GRXCR2: variants seen among roughly 807,000 people sequenced by gnomAD.
GRXCR2 encodes glutaredoxin domain-containing cysteine-rich protein 2.
Under a neutral mutation model 24.8 loss-of-function variants are expected in GRXCR2, and 23 were observed. The ratio of observed to expected loss-of-function variants is 0.93; its 90% confidence interval spans 0.67 to 1.32. The LOEUF is 1.32. Among genes scored for constraint, GRXCR2 ranks in the 40% most tolerant of loss-of-function variants. The pLI is 0.00. For synonymous variants in GRXCR2, 130 were observed against 116.1 expected (o/e 1.12, Z -0.77); for missense variants, 315 against 303.4 (o/e 1.04, Z -0.28).
intron 2 of GRXCR2, among the ~76,000 whole-genome samples, chr5:145,902,118 T>C (rs13186489): frequency 0.068 from 10,334 of 152,024 alleles, 629 homozygotes; most frequent in African/African-American, 0.16. Flanking sequence ...TTTAGAGAGA[T>C]GGGGTCTTGC....
chr5:145,863,685 G>A (rs74341865), intron 2 of GRXCR2, among the ~76,000 whole-genome samples: 1,546 of 152,184 alleles, frequency 0.01, 39 homozygotes, highest in African/African-American at 0.035. Context: ...TTTTTGTAAA[G>A]ACAGGTCTCA....
At chr5:145,879,308 G>A (rs540052180) in intron 2 of GRXCR2, among the ~76,000 whole-genome samples, 2 of 149,754 alleles carry the variant, frequency 1.3e-5, no homozygotes, top group South Asian at 4.2e-4. Flanking sequence ...CATCTCACGT[G>A]CAGAGACACA....
chr5:145,865,401 C>G (rs1027713842), intron 2 of GRXCR2, among the ~76,000 whole-genome samples: 3 of 152,208 alleles, frequency 2.0e-5, no homozygotes, highest in African/African-American at 7.2e-5. Context: ...CTATGGTTTC[C>G]AAGGTGGTGC....
intron 2 of GRXCR2, among the ~76,000 whole-genome samples, chr5:145,905,834 G>C (rs1757084227): frequency 6.6e-6 from 1 of 152,124 alleles, no homozygotes; most frequent in African/African-American, 2.4e-5. Flanking sequence ...AAGTGTTATA[G>C]ATGTATGAAT....
intron 2 of GRXCR2, among the ~76,000 whole-genome samples, chr5:145,910,157 G>A (rs1023679449): frequency 9.2e-5 from 14 of 152,166 alleles, no homozygotes; most frequent in African/African-American, 1.9e-4. Context: ...GTTCCAGAGG[G>A]AAAATGCCAA....
Position 145,899,846 on chromosome 5 carries a change from G to T in GRXCR2, c.-69-33118C>A, listed in dbSNP as rs190914059. 6.2e-3 allele frequency among the ~76,000 whole-genome samples: 948 copies of T among 152,166 alleles called. 8 individuals are homozygous for T. Among genetic ancestry groups the T allele is most frequent in the African/African-American group, 0.022 (909 of 41,502 alleles). ...AAACACCATTCTGGACATGGGCCTT[G>T]GGAAAGAATTTATGACTAAATCCTC... On this transcript the variant is annotated intron_variant, in intron 2 of 3. Coordinates refer to the GRXCR2 transcript ENST00000639411.
chr5:145,931,233 T>C (rs574197997), intron 2 of GRXCR2, among the ~76,000 whole-genome samples: 4 of 152,230 alleles, frequency 2.6e-5, no homozygotes, highest in African/African-American at 9.6e-5. Flanking sequence ...GATTTTGCCA[T>C]GTTGCCCAGG....
chr5:145,902,879 C>T (rs1352046584), intron 2 of GRXCR2, among the ~76,000 whole-genome samples: 3 of 152,082 alleles, frequency 2.0e-5, no homozygotes, highest in African/African-American at 4.8e-5. Flanking sequence ...AAAAGGAGAC[C>T]TTGGAGGGGT....
chr5:145,883,451 T>C (rs935737509), intron 2 of GRXCR2, among the ~76,000 whole-genome samples: 5 of 152,310 alleles, frequency 3.3e-5, no homozygotes, highest in African/African-American at 1.2e-4. Context: ...AATTCAATAA[T>C]AGGAAATCAT....
chr5:145,925,415 T>A (rs1035717223), intron 2 of GRXCR2, among the ~76,000 whole-genome samples: 1 of 152,188 alleles, frequency 6.6e-6, no homozygotes, highest in African/African-American at 2.4e-5. Flanking sequence ...TGGGAAGTAC[T>A]TGTTACTGAT....
At chr5:145,908,720 C>T (rs1757122823) in intron 2 of GRXCR2, among the ~76,000 whole-genome samples, 2 of 152,202 alleles carry the variant, frequency 1.3e-5, no homozygotes, top group Admixed American at 6.5e-5. Flanking sequence ...GATTTGGAAT[C>T]AGAAGATCTG....
chr5:145,917,062 CTTT>C (rs34794205), intron 2 of GRXCR2, among the ~76,000 whole-genome samples: 2 of 142,402 alleles, frequency 1.4e-5, no homozygotes, highest in Non-Finnish European at 1.5e-5. Context: ...TCCTAAGCAT[CTTT>C]TTTTTTTTTT....
rs565005724 is a variant in GRXCR2, at chr5:145,863,705, C to T, written c.564+2796G>A. The stretch of plus-strand genomic sequence containing the variant: ...GTAAAGACAGGTCTCATTATGTTGC[C>T]CAGGCTAGTTTCGAGCTCCTGGGCT... On this transcript the variant is annotated intron_variant, in intron 2 of 2. Transcript: ENST00000377976. Among the ~76,000 whole-genome samples the T allele has an allele frequency of 2.6e-5, 4 of 152,120 alleles. No homozygotes were observed. In the East Asian group the frequency reaches 7.7e-4, roughly 29 times the overall value.
At chr5:145,921,902 T>C (rs925248221) in intron 2 of GRXCR2, among the ~76,000 whole-genome samples, 23 of 152,246 alleles carry the variant, frequency 1.5e-4, no homozygotes, top group Admixed American at 2.0e-4. Flanking sequence ...GCTATTTATT[T>C]TCACTTAAAG....
intron 2 of GRXCR2, among the ~76,000 whole-genome samples, chr5:145,909,496 C>T (rs1757135101): frequency 6.6e-6 from 1 of 152,202 alleles, no homozygotes; most frequent in Admixed American, 6.5e-5. Flanking sequence ...AGAAGACTTT[C>T]CTGACCATCA....
chr5:145,925,181 G>C (rs547533305), intron 2 of GRXCR2, among the ~76,000 whole-genome samples: 1 of 152,148 alleles, frequency 6.6e-6, no homozygotes, highest in East Asian at 1.9e-4. Context: ...GTAATTTGCT[G>C]TAGGTCACAC....
chr5:145,873,634 A>T (rs939767328), upstream of GRXCR2, among the ~76,000 whole-genome samples: 6 of 152,154 alleles, frequency 3.9e-5, no homozygotes, highest in African/African-American at 1.4e-4. Flanking sequence ...AGAAGAGGGA[A>T]TGACGTCCTA....
intron 2 of GRXCR2, among the ~76,000 whole-genome samples, chr5:145,881,763 C>G (rs188612686): frequency 8.5e-5 from 13 of 152,340 alleles, no homozygotes; most frequent in Middle Eastern, 3.4e-3. Flanking sequence ...TACCTGACTT[C>G]AAACTATACT....
intron 2 of GRXCR2, among the ~76,000 whole-genome samples, chr5:145,918,832 C>A (rs1757279100): frequency 6.6e-6 from 1 of 152,198 alleles, no homozygotes; most frequent in Non-Finnish European, 1.5e-5. Flanking sequence ...CCCTGTGATA[C>A]AATGGCCTCC....
Sources: gnomAD v4.1 joint callset for allele counts (sites outside exome capture counted in the v4.1 genomes callset) on GRCh38, gnomAD v4.1.1 for gene constraint, MANE v1.5 for transcripts, NCBI Gene and HGNC (gene_info 2026-07-23, HGNC 2026-07-21) for gene names.